ATP1A2: variants seen among roughly 807,000 people sequenced by gnomAD.
ATP1A2 encodes sodium/potassium-transporting ATPase subunit alpha-2.
In ATP1A2, 56 loss-of-function variants were observed where a neutral mutation model predicts 113.1. That is an observed-to-expected ratio of 0.49 (90% CI 0.40 to 0.62). The LOEUF (loss-of-function observed/expected upper bound fraction) is 0.62, where lower values mean the gene tolerates loss of function less well. Among genes scored for constraint, ATP1A2 ranks in the 20% least tolerant of loss-of-function variants. The pLI, the probability that ATP1A2 is intolerant of heterozygous loss-of-function variation, is 0.00. For synonymous variants in ATP1A2, 490 were observed against 526.8 expected (o/e 0.93, Z 0.96); for missense variants, 712 against 1,357.8 (o/e 0.52, Z 7.47).
Position 160,123,984 on chromosome 1 carries a change from T to C in ATP1A2, c.423T>C (p.Thr141=). Residue 141 remains threonine (T), a synonymous_variant, in exon 5 of 23, where the codon ACT becomes ACC. Coordinates refer to ENST00000361216, the MANE Select transcript of ATP1A2 (RefSeq NM_000702.4). ...GVVLAAVVIV[T]GCFSYYQEAK... is the part of the protein sequence containing the mutation. ...TGCTGGCAGCTGTGGTCATTGTCAC[T>C]GGCTGCTTCTCCTACTACCAGGAGG... 1 of 1,614,204 alleles carries C rather than the reference T, an allele frequency of 6.2e-7. No homozygotes were observed. The highest frequency in any genetic ancestry group is 8.5e-7 in the Non-Finnish European group (1 of 1,180,014).
intron 13 of ATP1A2, among the ~76,000 whole-genome samples, chr1:160,132,269 A>G (rs1303272159): frequency 6.6e-6 from 1 of 152,088 alleles, no homozygotes; most frequent in African/African-American, 2.4e-5. Context: ...AGACTGGAAC[A>G]CTGGGTCAGA....
intron 8 of ATP1A2, 36 bp downstream of exon 8, chr1:160,127,856 G>T (rs755987157): frequency 1.3e-6 from 2 of 1,554,380 alleles, no homozygotes; most frequent in African/African-American, 2.7e-5. Flanking sequence ...CCAGGGGAGG[G>T]TCTCACTACT....
At chr1:160,123,153 A>G in intron 3 of ATP1A2, 60 bp from the exon 4 acceptor site, 2 of 1,587,474 alleles carry the variant, frequency 1.3e-6, no homozygotes, top group East Asian at 2.2e-5. Flanking sequence ...AGGGATGGGC[A>G]TGGTGACTGG....
chr1:160,124,476 C>G, intron 6 of ATP1A2, 46 bp downstream of exon 6: 1 of 1,573,706 alleles, frequency 6.4e-7, no homozygotes, highest in Non-Finnish European at 8.6e-7. Flanking sequence ...AAGGAGAAGG[C>G]TGTGTGCAGA....
At chr1:160,119,018 A>G (rs1453410550) in intron 1 of ATP1A2, among the ~76,000 whole-genome samples, 1 of 151,998 alleles carries the variant, frequency 6.6e-6, no homozygotes, top group Non-Finnish European at 1.5e-5. Flanking sequence ...GAGTGAACTC[A>G]AACTTAAACT....
chr1:160,123,492 G>T lies in ATP1A2; in HGVS notation c.381+76G>T, dbSNP rs749380225. On this transcript the variant is annotated intron_variant, in intron 4 of 22. Transcript: ENST00000361216. Reference sequence around the variant, plus strand: ...TGAACCCCCAACACAGTGGGGGGTGGGCAGGGAACAAGGCCCTCACATAAC... The same window carrying T: ...TGAACCCCCAACACAGTGGGGGGTGTGCAGGGAACAAGGCCCTCACATAAC... 3.1e-5 allele frequency: 48 copies of T among 1,565,136 alleles called. No homozygotes were observed. The Middle Eastern group carries it at 5.0e-4, about 16-fold the overall frequency.
intron 1 of ATP1A2, among the ~76,000 whole-genome samples, chr1:160,119,473 G>A (rs981073355): frequency 1.3e-5 from 2 of 152,144 alleles, no homozygotes; most frequent in African/African-American, 4.8e-5. Flanking sequence ...TGAGGGAAGT[G>A]GGAGGAGAGA....
At chr1:160,127,948 C>G (rs1026248037) in intron 8 of ATP1A2, 128 bp downstream of exon 8, 1 of 1,300,434 alleles carries the variant, frequency 7.7e-7, no homozygotes, top group African/African-American at 1.5e-5. Flanking sequence ...GGATGCGATA[C>G]TCAGAGATCA....
At position 160,136,791 on chromosome 1, in the gene ATP1A2, G is replaced by C. The variant is rs528512605; in HGVS notation, c.2709+76G>C. 3 of 1,613,672 alleles carry C rather than the reference G, an allele frequency of 1.9e-6. No homozygotes were observed. The East Asian group carries it at 6.7e-5, about 36-fold the overall frequency. On this transcript the variant is annotated intron_variant, in intron 19 of 22. Transcript: ENST00000361216. ...TGAATGCCTGGCAGGAGTGGCCAGTGGTGGCCAACTGGGACTGGGGCTAGG... is the reference window on the plus strand; with the variant it reads ...TGAATGCCTGGCAGGAGTGGCCAGTCGTGGCCAACTGGGACTGGGGCTAGG...
At position 160,130,777 on chromosome 1, in the gene ATP1A2, C is replaced by A. The variant is rs148335620; in HGVS notation, c.1827+180C>A. On this transcript the variant is annotated intron_variant, in intron 13 of 22. Transcript: ENST00000361216. ...CCTGCCTTGGGGCACTCACCCTTAT[C>A]CCTTTTGCTCAGAGAGGCCAGTGTC... Among the ~76,000 whole-genome samples the A allele has an allele frequency of 2.4e-3, 364 of 152,364 alleles. 1 individual carries two copies. The highest frequency in any genetic ancestry group is 8.2e-3 in the African/African-American group (341 of 41,582).
intron 8 of ATP1A2, 70 bp downstream of exon 8, chr1:160,127,890 C>T: frequency 6.6e-7 from 1 of 1,517,334 alleles, no homozygotes; most frequent in East Asian, 2.3e-5. Context: ...GATAGAGGCA[C>T]AGTTGCTTGT....
chr1:160,125,552 C>G, intron 7 of ATP1A2: 1 of 417,404 alleles, frequency 2.4e-6, no homozygotes, highest in South Asian at 2.2e-5. Context: ...TACGCATGCG[C>G]ACACACAGAT....
intron 7 of ATP1A2, 161 bp downstream of exon 7, chr1:160,125,414 C>A (rs1040648766): frequency 1.5e-4 from 106 of 689,112 alleles, no homozygotes; most frequent in Non-Finnish European, 2.5e-4. Context: ...CTCCACAGAG[C>A]AGGGTATTGA....
In ATP1A2 at chr1:160,142,006, T is replaced by A. The variant is rs1652168305; in HGVS notation, c.*684T>A. The A allele has an allele frequency of 6.5e-6, 1 of 155,012 alleles. No homozygotes were observed. The highest frequency in any genetic ancestry group is 1.4e-5 in the Non-Finnish European group (1 of 69,654). 9.6% of individuals were successfully genotyped at this position (155,012 alleles called of 1,614,324 possible). The stretch of plus-strand genomic sequence containing the variant: ...TTTGACATGAGTCTCCAGATAGATG[T>A]CGTGGACTCCAGCTCTACGTCCCAC... On this transcript the variant is annotated 3_prime_UTR_variant, in exon 23 of 23. Coordinates refer to ENST00000361216, the MANE Select transcript of ATP1A2 (RefSeq NM_000702.4).
chr1:160,124,243 A>G (rs1651510954), intron 5 of ATP1A2, 53 bp from the exon 6 acceptor site: 2 of 1,562,306 alleles, frequency 1.3e-6, no homozygotes, highest in African/African-American at 2.7e-5. Flanking sequence ...CAGCAGGAGA[A>G]GAAGGCAGGG....
Position 160,135,238 on chromosome 1 carries a change from CTT to C in ATP1A2, c.2060_2061del (p.Phe687CysfsTer27). 1 of 1,614,202 alleles carries C rather than the reference CTT, an allele frequency of 6.2e-7. No homozygotes were observed. Among genetic ancestry groups the C allele is most frequent in the South Asian group, 1.1e-5 (1 of 91,080 alleles). ...EILKNHTEIVFARTSPQQKLI... is the reference protein window; with the variant it reads ...EILKNHTEIVXARTSPQQKLI... Reference sequence around the variant, plus strand: ...TCCTCAAGAACCACACAGAGATCGTCTTTGCTCGAACGTCTCCCCAGCAGAAG... The same window carrying C: ...TCCTCAAGAACCACACAGAGATCGTCTGCTCGAACGTCTCCCCAGCAGAAG... On this transcript the variant is annotated frameshift_variant, in exon 15 of 23. Coordinates refer to ENST00000361216, the MANE Select transcript of ATP1A2 (RefSeq NM_000702.4). LOFTEE classifies it high-confidence loss of function. This position sits in a 1 kb window ranked among gnomAD's most constrained non-coding sequence, Gnocchi z 6.3.
intron 14 of ATP1A2, 151 bp from the exon 15 acceptor site, chr1:160,134,994 A>G (rs963586445): frequency 1.3e-5 from 13 of 981,138 alleles, no homozygotes; most frequent in Non-Finnish European, 2.1e-5. Flanking sequence ...GAAATGGGGG[A>G]AGTGAGTACT....
intron 13 of ATP1A2, 58 bp from the exon 14 acceptor site, chr1:160,134,426 C>T (rs1433287392): frequency 1.2e-6 from 2 of 1,612,848 alleles, no homozygotes; most frequent in African/African-American, 2.7e-5. Flanking sequence ...GGGAGAGGAA[C>T]AGGAGGGGGA....
At chr1:160,140,142 T>G (rs1455938565) in intron 22 of ATP1A2, 158 bp downstream of exon 22, 2 of 734,714 alleles carry the variant, frequency 2.7e-6, no homozygotes, top group Admixed American at 4.2e-5. Context: ...CCTGACTCTT[T>G]CGAACCTGTT....
Sources: gnomAD v4.1 joint callset for allele counts (sites outside exome capture counted in the v4.1 genomes callset) on GRCh38, gnomAD v4.1.1 for gene constraint, Gnocchi (gnomAD v3.1) non-coding constraint, MANE v1.5 for transcripts, NCBI Gene and HGNC (gene_info 2026-07-23, HGNC 2026-07-21) for gene names.